DOCK5: variants seen among roughly 807,000 people sequenced by gnomAD.
The protein encoded by DOCK5 is dedicator of cytokinesis 5, also known as dedicator of cytokinesis protein 5.
In DOCK5, 142 loss-of-function variants were observed where a neutral mutation model predicts 251.8. The ratio of observed to expected loss-of-function variants is 0.56; its 90% CI spans 0.49 to 0.65. DOCK5 has a LOEUF of 0.65. Ranked by LOEUF, DOCK5 falls within the 30% of genes least tolerant of loss-of-function variation. DOCK5 has a pLI of 0.00. For synonymous variants in DOCK5, 842 were observed against 835.5 expected, an observed-to-expected ratio of 1.01 and a Z score of -0.13; for missense variants, 2,111 against 2,312.3, an observed-to-expected ratio of 0.91 and a Z score of 1.79.
intron 1 of DOCK5, among the ~76,000 whole-genome samples, chr8:25,220,506 T>TGA (rs1424974713): frequency 6.6e-6 from 1 of 152,170 alleles, no homozygotes; most frequent in Admixed American, 6.5e-5. Flanking sequence ...GCTCTTTGTC[T>TGA]GCAGCAGGAG....
intron 26 of DOCK5, among the ~76,000 whole-genome samples, chr8:25,351,004 C>G (rs1226105424): frequency 6.6e-6 from 1 of 152,040 alleles, no homozygotes; most frequent in Admixed American, 6.6e-5. Context: ...GTATTTTTGC[C>G]TTTAATTTCC....
intron 13 of DOCK5, 85 bp from the exon 14 acceptor site, chr8:25,316,922 G>A: frequency 6.5e-7 from 1 of 1,539,630 alleles, no homozygotes; most frequent in South Asian, 1.2e-5. Flanking sequence ...ATTTCGTGTT[G>A]TCTTTACCTT....
chr8:25,396,320 T>G (rs2009074), intron 45 of DOCK5, among the ~76,000 whole-genome samples: 9,468 of 152,180 alleles, frequency 0.062, 367 homozygotes, highest in South Asian at 0.1. Context: ...GGCAAAGGTT[T>G]CAGTAAGCCG....
chr8:25,382,650 G>A (rs745492636), intron 39 of DOCK5, 24 bp from the exon 40 acceptor site: 2 of 1,568,034 alleles, frequency 1.3e-6, no homozygotes, highest in East Asian at 2.3e-5. Context: ...ACCTCCCCTT[G>A]GAATGTCTTG....
chr8:25,276,647 ATTTCT>A (rs1804047965), intron 4 of DOCK5, among the ~76,000 whole-genome samples: 2 of 151,990 alleles, frequency 1.3e-5, no homozygotes, highest in Admixed American at 6.5e-5. Context: ...CAGCACCATC[ATTTCT>A]TTTCTTTTGT....
chr8:25,310,399 C>A lies in DOCK5; in HGVS notation c.1193-8C>A, dbSNP rs774352069. 14 of 1,598,096 alleles carry A rather than the reference C, an allele frequency of 8.8e-6. No homozygotes were observed. In the South Asian group the frequency reaches 1.4e-4, roughly 15 times the overall value. On this transcript the variant is annotated splice_region_variant and splice_polypyrimidine_tract_variant and intron_variant, in intron 12 of 51. Transcript: ENST00000276440. ...AGAACTAAACGTTTATCTTTTATTT[C>A]TTTTAAGGCCTTTGGGTATCCTTGA...
At chr8:25,346,888 G>A (rs1234473293) in intron 26 of DOCK5, among the ~76,000 whole-genome samples, 2 of 151,780 alleles carry the variant, frequency 1.3e-5, no homozygotes, top group African/African-American at 2.4e-5. Context: ...TAGAAATAGT[G>A]CAGCCCACAG....
chr8:25,306,490 A>G (rs1804931183), intron 11 of DOCK5, among the ~76,000 whole-genome samples: 1 of 152,204 alleles, frequency 6.6e-6, no homozygotes, highest in East Asian at 1.9e-4. Flanking sequence ...GCAGATCACA[A>G]GGTCAGGAGA....
At chr8:25,197,325 T>C (rs1801755074) in intron 1 of DOCK5, among the ~76,000 whole-genome samples, 1 of 152,228 alleles carries the variant, frequency 6.6e-6, no homozygotes, top group African/African-American at 2.4e-5. Context: ...GAGCCTGGGC[T>C]CACTCAAACG....
Position 25,189,630 on chromosome 8 carries a change from G to A in DOCK5, c.43+4679G>A, listed in dbSNP as rs561435594. On this transcript the variant is annotated intron_variant, in intron 1 of 51. Coordinates refer to ENST00000276440, the MANE Select transcript of DOCK5 (RefSeq NM_024940.8). Reference sequence around the variant, plus strand: ...TCTGCCTCAGCCTCCCAAAGTGCTGGGATTACAGGCATGAGCCACCACACC... The same window carrying A: ...TCTGCCTCAGCCTCCCAAAGTGCTGAGATTACAGGCATGAGCCACCACACC... Among the ~76,000 whole-genome samples, 60 of 152,142 alleles carry A rather than the reference G, an allele frequency of 3.9e-4. No individual in the cohort carries two copies. The East Asian group carries it at 0.011, about 27-fold the overall frequency.
intron 5 of DOCK5, among the ~76,000 whole-genome samples, chr8:25,289,986 T>C (rs60652291): frequency 0.036 from 5,426 of 152,308 alleles, 342 homozygotes; most frequent in African/African-American, 0.12. Context: ...CCTTCCCCTA[T>C]ATACGCAAGA....
rs762025197 is a variant in DOCK5 at position 25,407,985 on chromosome 8, C to T, written c.5096C>T (p.Ser1699Leu). 4.3e-6 allele frequency: 7 copies of T among 1,610,002 alleles called. No individual in the cohort carries two copies. Among genetic ancestry groups the T allele is most frequent in the Non-Finnish European group, 5.9e-6 (7 of 1,178,448 alleles). Reference protein sequence around the residue: ...NAPSRPGSDGSILEPLLERRA... With the variant: ...NAPSRPGSDGLILEPLLERRA... ...TTGTCCTTGTTCCTGGCCAATAGCT[C>T]AATCTTGGAGCCACTTTTGGAGCGC... The change falls in exon 49 of 52, where the codon TCA becomes TTA. Residue 1699 changes from serine (S) to leucine (L), a missense_variant and splice_region_variant. Transcript: ENST00000276440.
intron 23 of DOCK5, 118 bp downstream of exon 23, chr8:25,341,106 T>A: frequency 1.5e-6 from 1 of 645,340 alleles, no homozygotes; most frequent in Non-Finnish European, 2.6e-6. Context: ...ATGCATAGCT[T>A]ATGAATTTTA....
chr8:25,274,513 G>A (rs1803993168), intron 3 of DOCK5, among the ~76,000 whole-genome samples: 1 of 152,180 alleles, frequency 6.6e-6, no homozygotes, highest in African/African-American at 2.4e-5. Context: ...CTGGTCCTCT[G>A]TTCTCTGATT....
intron 2 of DOCK5, among the ~76,000 whole-genome samples, chr8:25,249,612 T>C (rs1803213271): frequency 6.6e-6 from 1 of 152,060 alleles, no homozygotes; most frequent in Non-Finnish European, 1.5e-5. Context: ...TCTCGCCCTC[T>C]CTCTTGCTCT....
intron 1 of DOCK5, among the ~76,000 whole-genome samples, chr8:25,196,144 G>C (rs944945148): frequency 6.6e-6 from 1 of 152,202 alleles, no homozygotes. Context: ...AATCATAAAT[G>C]TTGCATTATT....
At chr8:25,369,717 C>T (rs926102915) in intron 34 of DOCK5, 76 bp downstream of exon 34, 6 of 1,270,604 alleles carry the variant, frequency 4.7e-6, no homozygotes, top group African/African-American at 1.5e-5. Context: ...CCTGTTTCAC[C>T]AATAGAGCAA....
intron 37 of DOCK5, chr8:25,375,712 C>G (rs953836539): frequency 1.0e-6 from 1 of 984,366 alleles, no homozygotes; most frequent in Admixed American, 6.2e-5. Context: ...GGGCATTGTC[C>G]GAACATATGA....
At chr8:25,188,428 G>C (rs186224707) in intron 1 of DOCK5, among the ~76,000 whole-genome samples, 4 of 152,342 alleles carry the variant, frequency 2.6e-5, no homozygotes, top group African/African-American at 7.2e-5. Flanking sequence ...CTATGACTTT[G>C]CCTGTTGTGC....
Sources: gnomAD v4.1 joint callset for allele counts (sites outside exome capture counted in the v4.1 genomes callset) on GRCh38, gnomAD v4.1.1 for gene constraint, MANE v1.5 for transcripts, NCBI Gene and HGNC (gene_info 2026-07-23, HGNC 2026-07-21) for gene names.